The following CD53 variants were observed in gnomAD, a reference collection of about 807,000 sequenced individuals.
CD53 encodes the protein CD53 molecule, also known as leukocyte surface antigen CD53.
Under a neutral mutation model 27.3 loss-of-function variants are expected in CD53, and 20 were observed. The observed-to-expected ratio is 0.73, with a 90% CI of 0.52 to 1.07. The LOEUF (loss-of-function observed/expected upper bound fraction) is 1.07. CD53 is among the 50% of genes least tolerant of loss of function. The pLI is 0.00. For missense variants in CD53, 216 were observed against 264.0 expected (o/e 0.82, Z 1.26); for synonymous variants, 106 against 105.3 (o/e 1.01, Z -0.04).
intron 1 of CD53, among the ~76,000 whole-genome samples, chr1:110,881,362 CT>C (rs1656348322): frequency 6.6e-6 from 1 of 151,764 alleles, no homozygotes; most frequent in South Asian, 2.1e-4. Flanking sequence ...AGAATGTACT[CT>C]TTTTTATTTA....
upstream of CD53, among the ~76,000 whole-genome samples, chr1:110,871,741 C>T (rs1248391812): frequency 6.6e-6 from 1 of 151,378 alleles, no homozygotes; most frequent in African/African-American, 2.4e-5. Context: ...GTGATTCCAG[C>T]CGAGGTGCAG....
At position 110,895,030 on chromosome 1, in the gene CD53, C is replaced by A. The variant is rs1373465439; in HGVS notation, c.398C>A (p.Ala133Glu). The stretch of plus-strand genomic sequence containing the variant: ...TACCACTCAGACAATAGCACCAAGG[C>A]AGCGTGGGACTCCATCCAGTCATTT... ...HRYHSDNSTK[A>E]AWDSIQSFLQ... The change falls in exon 5 of 8, where the codon GCA becomes GAA. Residue 133 changes from alanine to glutamate, a missense_variant. Physicochemically the swap from Ala to Glu is moderately radical, Grantham distance 107 (BLOSUM62 -1). Transcript: ENST00000271324. 6.2e-7 allele frequency: 1 copy of A among 1,613,638 alleles called. No individual in the cohort carries two copies. Among genetic ancestry groups the A allele is most frequent in the East Asian group, 2.2e-5 (1 of 44,868 alleles).
At chr1:110,886,869 A>ATATATATATATATATATATATATATTTTT (rs1298376721) in intron 1 of CD53, among the ~76,000 whole-genome samples, 2 of 82,796 alleles carry the variant, frequency 2.4e-5, no homozygotes, top group Non-Finnish European at 4.5e-5. Context: ...ATATATATAT[A>ATATATATATATATATATATATATATTTTT]TTTTTTTTTT....
At position 110,894,323 on chromosome 1, in the gene CD53, C is replaced by T. The variant is rs778687009; in HGVS notation, c.253-4C>T. On this transcript the variant is annotated splice_region_variant and splice_polypyrimidine_tract_variant and intron_variant, in intron 3 of 7. Transcript: ENST00000271324. ...GCTGTGAGAATGTATCTGCTTTGTC[C>T]CAGTTCTTCATCCTGCTGCTGATTA... 2 of 1,613,664 alleles carry T rather than the reference C, an allele frequency of 1.2e-6. No individual in the cohort carries two copies. The highest frequency in any genetic ancestry group is 1.1e-5 in the South Asian group (1 of 91,068).
At chr1:110,885,820 C>G (rs894807524) in intron 1 of CD53, among the ~76,000 whole-genome samples, 4 of 152,100 alleles carry the variant, frequency 2.6e-5, no homozygotes, top group Non-Finnish European at 5.9e-5. Context: ...GCCGAGATCA[C>G]ACCACTGCAC....
At chr1:110,899,047 C>G in intron 7 of CD53, 77 bp from the exon 8 acceptor site, 1 of 1,094,526 alleles carries the variant, frequency 9.1e-7, no homozygotes, top group East Asian at 2.4e-5. Context: ...TTCTTTTTCT[C>G]AGAGGCCAAT....
Position 110,892,360 on chromosome 1 carries a change from AT to A in CD53, c.83del (p.Leu28TrpfsTer8), listed in dbSNP as rs1157209916. ...TTCCTTTCAGATCTGTGGCTGCTGC[AT>A]TTTGGGCTTTGGGATCTACCTGCTG... ...NLLFWICGCC[I>X]LGFGIYLLIH... On this transcript the variant is annotated frameshift_variant, in exon 3 of 8. Coordinates refer to ENST00000271324, the MANE Select transcript of CD53 (RefSeq NM_000560.4). LOFTEE classifies it high-confidence loss of function. 6.2e-7 allele frequency: 1 copy of A among 1,614,016 alleles called. No individual in the cohort carries two copies. The highest frequency in any genetic ancestry group is 8.5e-7 in the Non-Finnish European group (1 of 1,179,910).
At chr1:110,897,647 C>G in intron 6 of CD53, 162 bp from the exon 7 acceptor site, 1 of 483,918 alleles carries the variant, frequency 2.1e-6, no homozygotes, top group Non-Finnish European at 3.7e-6. Flanking sequence ...TATTTCCCAC[C>G]TTATGCCTGT....
rs186303462 is a variant in CD53, at chr1:110,895,740, A to C, written c.423+685A>C. Reference sequence around the variant, plus strand: ...TTCAGTTTAGAAAACTTTTTATTACATAATTTTTAGAAATATACAAAAGAG... The same window carrying C: ...TTCAGTTTAGAAAACTTTTTATTACCTAATTTTTAGAAATATACAAAAGAG... On this transcript the variant is annotated intron_variant, in intron 5 of 7. Coordinates refer to ENST00000271324, the MANE Select transcript of CD53 (RefSeq NM_000560.4). Among the ~76,000 whole-genome samples, 391 of 152,322 alleles carry C rather than the reference A, an allele frequency of 2.6e-3. 1 individual carries two copies. The highest frequency in any genetic ancestry group is 9.0e-3 in the African/African-American group (376 of 41,570).
intron 6 of CD53, among the ~76,000 whole-genome samples, chr1:110,897,325 G>A (rs1327269361): frequency 6.6e-6 from 1 of 152,212 alleles, no homozygotes; most frequent in East Asian, 1.9e-4. Flanking sequence ...CTCCTGAAGG[G>A]GTTTGGAAAT....
Position 110,899,260 on chromosome 1 carries a change from T to C in CD53, c.*65T>C. Reference sequence around the variant, plus strand: ...CGGAAATGCAAAACCATTTATAGCATGAAGCCCTACATGATCACTGCAGGA... The same window carrying C: ...CGGAAATGCAAAACCATTTATAGCACGAAGCCCTACATGATCACTGCAGGA... On this transcript the variant is annotated 3_prime_UTR_variant, in exon 8 of 8. Transcript: ENST00000271324. 1 of 1,161,002 alleles carries C rather than the reference T, an allele frequency of 8.6e-7. No homozygotes were observed. The highest frequency in any genetic ancestry group is 1.3e-6 in the Non-Finnish European group (1 of 771,040). 71.9% of individuals were successfully genotyped at this position (1,161,002 alleles called of 1,614,324 possible).
At chr1:110,878,419 C>A (rs1316166703) in intron 1 of CD53, among the ~76,000 whole-genome samples, 2 of 152,150 alleles carry the variant, frequency 1.3e-5, no homozygotes, top group Non-Finnish European at 2.9e-5. Flanking sequence ...TGTAAATTGA[C>A]AATCTGTATA....
chr1:110,873,814 A>G (rs1160158610), intron 1 of CD53, among the ~76,000 whole-genome samples: 1 of 152,204 alleles, frequency 6.6e-6, no homozygotes, highest in Non-Finnish European at 1.5e-5. Context: ...TAAAAGGTGA[A>G]AGCTAGACAT....
At position 110,876,463 on chromosome 1, in the gene CD53, A is replaced by G. The variant is rs11809655; in HGVS notation, c.-18+3215A>G. On this transcript the variant is annotated intron_variant, in intron 1 of 7. Coordinates refer to ENST00000271324, the MANE Select transcript of CD53 (RefSeq NM_000560.4). ...TATGCTAGCAAACTAAATACTTAAC[A>G]TATATTTTATTTTCCAAACCTTTTT... Among the ~76,000 whole-genome samples the G allele has an allele frequency of 4.8e-3, 738 of 152,304 alleles. 2 individuals are homozygous for G. Among genetic ancestry groups the G allele is most frequent in the Admixed American group, 8.4e-3 (128 of 15,296 alleles).
intron 3 of CD53, among the ~76,000 whole-genome samples, chr1:110,893,649 C>T (rs1656944411): frequency 6.6e-6 from 1 of 152,156 alleles, no homozygotes; most frequent in Admixed American, 6.5e-5. Flanking sequence ...AAACTGGAGC[C>T]AAGAGAAAGA....
At chr1:110,890,672 C>A (rs2101057940) in intron 1 of CD53, among the ~76,000 whole-genome samples, 1 of 152,276 alleles carries the variant, frequency 6.6e-6, no homozygotes, top group South Asian at 2.1e-4. Flanking sequence ...AGACATTGGA[C>A]ATTGATGTCC....
chr1:110,893,921 G>T (rs539079681), intron 3 of CD53, among the ~76,000 whole-genome samples: 4 of 152,122 alleles, frequency 2.6e-5, no homozygotes, highest in South Asian at 4.1e-4. Flanking sequence ...GCTCCTCTCA[G>T]CCACTACCAG....
At position 110,899,350 on chromosome 1, in the gene CD53, G is replaced by A. The variant is rs1570916239; in HGVS notation, c.*155G>A. 1.7e-6 allele frequency: 1 copy of A among 571,676 alleles called. No homozygotes were observed. Among genetic ancestry groups the A allele is most frequent in the South Asian group, 2.1e-5 (1 of 47,912 alleles). The allele number at this position is 571,676 out of a possible 1,614,324, so 35.4% of individuals were successfully genotyped here. A position where few individuals can be genotyped will look rare whatever the true frequency, so the allele number is the denominator to read the frequency against. ...TTATACAACCAGAGAAGTGGGTGTTGGCCAGGCACATCCCATCTCAGGCAG... is the reference window on the plus strand; with the variant it reads ...TTATACAACCAGAGAAGTGGGTGTTAGCCAGGCACATCCCATCTCAGGCAG... On this transcript the variant is annotated 3_prime_UTR_variant, in exon 8 of 8. Transcript: ENST00000271324.
intron 7 of CD53, 51 bp downstream of exon 7, chr1:110,897,943 G>A (rs749124707): frequency 9.4e-6 from 10 of 1,061,666 alleles, no homozygotes; most frequent in Non-Finnish European, 1.4e-5. Context: ...GTTAAGTCAG[G>A]TAAGATTTCA....
Sources: gnomAD v4.1 joint callset for allele counts (sites outside exome capture counted in the v4.1 genomes callset) on GRCh38, gnomAD v4.1.1 for gene constraint, MANE v1.5 for transcripts, NCBI Gene and HGNC (gene_info 2026-07-23, HGNC 2026-07-21) for gene names.